Variants in KCNG2 observed in about 807,000 individuals in gnomAD.
KCNG2 encodes voltage-gated potassium channel regulatory subunit KCNG2.
KCNG2 carries 7 observed loss-of-function variants against 12.3 expected under a neutral mutation model. The observed-to-expected ratio is 0.57, with a 90% confidence interval of 0.32 to 1.07. KCNG2 has a LOEUF of 1.07. Among genes scored for constraint, KCNG2 ranks in the 50% least tolerant of loss-of-function variants. The pLI is 0.04. For synonymous variants in KCNG2, 414 were observed against 351.4 expected (o/e 1.18, Z -1.99); for missense variants, 703 against 726.0 (o/e 0.97, Z 0.36).
chr18:79,830,014 G>A (rs141699228), intron 1 of KCNG2, among the ~76,000 whole-genome samples: 50 of 152,346 alleles, frequency 3.3e-4, no homozygotes, highest in Middle Eastern at 3.4e-3. Context: ...TGAGAAAAAG[G>A]CACAAACCAT....
chr18:79,818,609 T>C (rs904501041), intron 1 of KCNG2, among the ~76,000 whole-genome samples: 16 of 152,214 alleles, frequency 1.1e-4, no homozygotes, highest in African/African-American at 3.4e-4. Flanking sequence ...TCACCATGTA[T>C]GACAGTCCCT....
intron 1 of KCNG2, among the ~76,000 whole-genome samples, chr18:79,806,415 T>C (rs955395794): frequency 6.6e-6 from 1 of 152,174 alleles, no homozygotes; most frequent in African/African-American, 2.4e-5. Context: ...TGAGAGTTTG[T>C]AGTGGATGGT....
chr18:79,843,067 T>C (rs1421074909), intron 1 of KCNG2, among the ~76,000 whole-genome samples: 1 of 152,150 alleles, frequency 6.6e-6, no homozygotes. Flanking sequence ...AATAAAATTC[T>C]CAAAAGTCAA....
At chr18:79,835,211 G>A (rs1978317268) in intron 1 of KCNG2, among the ~76,000 whole-genome samples, 1 of 152,144 alleles carries the variant, frequency 6.6e-6, no homozygotes, top group African/African-American at 2.4e-5. Flanking sequence ...GCCAGAGCAG[G>A]GCCAAAGGAA....
At chr18:79,845,822 C>T (rs1978603207) in intron 1 of KCNG2, among the ~76,000 whole-genome samples, 1 of 152,216 alleles carries the variant, frequency 6.6e-6, no homozygotes. Flanking sequence ...CGCAGTGGCT[C>T]ACGCCTGTAA....
chr18:79,851,644 TGTGA>T (rs1568255861), intron 1 of KCNG2, among the ~76,000 whole-genome samples: 1 of 151,858 alleles, frequency 6.6e-6, no homozygotes, highest in Non-Finnish European at 1.5e-5. Context: ...GGTGTGCAAG[TGTGA>T]GTGAATGTGT....
At chr18:79,853,316 G>A (rs1482286964) in intron 1 of KCNG2, among the ~76,000 whole-genome samples, 2 of 152,232 alleles carry the variant, frequency 1.3e-5, no homozygotes, top group Non-Finnish European at 2.9e-5. Context: ...AGTGGTGCAG[G>A]TGAGTCTGAC....
At chr18:79,897,567 T>C (rs1049861037) in intron 3 of KCNG2, among the ~76,000 whole-genome samples, 10 of 152,204 alleles carry the variant, frequency 6.6e-5, no homozygotes, top group Non-Finnish European at 1.5e-4. Flanking sequence ...CTCACAGCAG[T>C]TTTTGTTGCT....
chr18:79,827,692 G>T (rs1319091107), intron 1 of KCNG2, among the ~76,000 whole-genome samples: 1 of 152,128 alleles, frequency 6.6e-6, no homozygotes, highest in African/African-American at 2.4e-5. Flanking sequence ...GCAGGCCCTG[G>T]AACCCCGCTT....
chr18:79,862,008 T>G (rs1979240082), intron 2 of KCNG2, among the ~76,000 whole-genome samples: 1 of 152,244 alleles, frequency 6.6e-6, no homozygotes, highest in African/African-American at 2.4e-5. Flanking sequence ...GTCTCTTTAT[T>G]GATATTCTGT....
At position 79,899,347 on chromosome 18, in the gene KCNG2, T is replaced by A; in HGVS notation, c.932T>A (p.Leu311Gln). ...LARHSLGLRS[L>Q]GLTMRRCARE... ...CGCCACTCGCTGGGGCTGCGTTCGCTGGGCCTGACCATGCGCCGCTGCGCG... is the reference window on the plus strand; with the variant it reads ...CGCCACTCGCTGGGGCTGCGTTCGCAGGGCCTGACCATGCGCCGCTGCGCG... The change falls in exon 4 of 4, where the codon CTG (leucine) becomes CAG (glutamine). Residue 311 changes from leucine to glutamine, a missense_variant. Leu to Gln is a moderately radical substitution (Grantham distance 113). Transcript: ENST00000316249. The A allele has an allele frequency of 6.4e-7, 1 of 1,554,182 alleles. No individual in the cohort carries two copies. Among genetic ancestry groups the A allele is most frequent in the Non-Finnish European group, 8.6e-7 (1 of 1,157,804 alleles).
At chr18:79,802,135 TTG>T (rs1450310190) in intron 1 of KCNG2, among the ~76,000 whole-genome samples, 1 of 152,244 alleles carries the variant, frequency 6.6e-6, no homozygotes, top group Non-Finnish European at 1.5e-5. Context: ...GCAGTTAGTT[TTG>T]TGTGTTCCTG....
At chr18:79,809,777 G>C (rs867493773) in intron 1 of KCNG2, among the ~76,000 whole-genome samples, 20 of 152,214 alleles carry the variant, frequency 1.3e-4, no homozygotes, top group African/African-American at 4.8e-4. Context: ...CAGCCCAGGC[G>C]TCCTACTGCA....
intron 3 of KCNG2, among the ~76,000 whole-genome samples, chr18:79,871,389 G>A (rs1164356346): frequency 6.6e-6 from 1 of 152,208 alleles, no homozygotes; most frequent in Non-Finnish European, 1.5e-5. Flanking sequence ...CGCAGGCAGA[G>A]TTGTCCTGGA....
Position 79,822,926 on chromosome 18 carries a change from T to C in KCNG2, c.-115+24912T>C, listed in dbSNP as rs1055365641. On this transcript the variant is annotated intron_variant, in intron 1 of 3. Transcript: ENST00000316249. The surrounding 1 kb of genome is among the most constrained non-coding windows in gnomAD (Gnocchi z 4.4). ...CGTGGGCGTTGGTGTTGCGTGTGGG[T>C]GTGGCTCACTTGTGGCATGTGAAGA... Among the ~76,000 whole-genome samples the C allele has an allele frequency of 6.6e-6, 1 of 152,180 alleles. No individual in the cohort carries two copies. The highest frequency in any genetic ancestry group is 2.4e-5 in the African/African-American group (1 of 41,440).
chr18:79,821,691 C>T (rs1285595193), intron 1 of KCNG2, among the ~76,000 whole-genome samples: 1 of 152,160 alleles, frequency 6.6e-6, no homozygotes, highest in Non-Finnish European at 1.5e-5. Flanking sequence ...GAAGGGCCTC[C>T]TTCCTGAATT....
intron 3 of KCNG2, among the ~76,000 whole-genome samples, chr18:79,873,944 C>CA: frequency 6.6e-6 from 1 of 152,352 alleles, no homozygotes; most frequent in East Asian, 1.9e-4. Context: ...ACTGAAGAGT[C>CA]AGACACGTTT....
intron 1 of KCNG2, among the ~76,000 whole-genome samples, chr18:79,836,720 A>C (rs1429735803): frequency 6.6e-6 from 1 of 152,108 alleles, no homozygotes; most frequent in Non-Finnish European, 1.5e-5. Flanking sequence ...AGTGAAGGGG[A>C]AGTGCCACAC....
chr18:79,826,230 G>A (rs533546632), intron 1 of KCNG2, among the ~76,000 whole-genome samples: 87 of 152,366 alleles, frequency 5.7e-4, no homozygotes, highest in African/African-American at 2.1e-3. Flanking sequence ...GGTCGCTTCA[G>A]ACGGGGACCG....
Sources: allele counts gnomAD v4.1 joint callset (sites outside exome capture counted in the v4.1 genomes callset), GRCh38; gene constraint gnomAD v4.1.1; non-coding constraint Gnocchi (gnomAD v3.1); transcripts MANE v1.5; gene names NCBI Gene and HGNC (gene_info 2026-07-23, HGNC 2026-07-21).